Variants in CD69 observed in about 807,000 individuals in gnomAD.
CD69 encodes early activation antigen CD69.
A neutral mutation model predicts 21.4 loss-of-function variants in CD69; 10 were observed. The observed-to-expected ratio is 0.47, with a 90% CI of 0.29 to 0.79. The LOEUF (loss-of-function observed/expected upper bound fraction) is 0.79. CD69 is among the 30% of genes least tolerant of loss of function. CD69 has a pLI of 0.09. For missense variants in CD69, 204 were observed against 236.9 expected (o/e 0.86, Z 0.91); for synonymous variants, 63 against 78.2 (o/e 0.81, Z 1.03).
At position 9,760,602 on chromosome 12, in the gene CD69, A is replaced by G. The variant is rs113967768; in HGVS notation, c.64+155T>C. The stretch of plus-strand genomic sequence containing the variant: ...AGACAAAGCCTCACTTCCTTCCCTA[A>G]CAACCATTAGATATCACATACATAG... On this transcript the variant is annotated intron_variant, in intron 1 of 4. Transcript: ENST00000228434. Among the ~76,000 whole-genome samples the G allele has an allele frequency of 4.1e-3, 623 of 152,266 alleles. 7 individuals carry two copies. Among genetic ancestry groups the G allele is most frequent in the African/African-American group, 0.013 (560 of 41,528 alleles).
intron 1 of CD69, among the ~76,000 whole-genome samples, chr12:9,758,537 C>G (rs1018120077): frequency 2.0e-5 from 3 of 152,130 alleles, no homozygotes; most frequent in Non-Finnish European, 4.4e-5. Flanking sequence ...GTGTCCACAT[C>G]AACTTTTGCT....
rs117940463 is a variant in CD69, at chr12:9,754,258, C to T, written c.491+329G>A. ...CCAGCAACTGTCTTATTAGTAAAGA[C>T]TAAATGTGACATTGAAAATGGGTTT... On this transcript the variant is annotated intron_variant, in intron 4 of 4. Transcript: ENST00000228434. The T allele has an allele frequency of 3.9e-3, 674 of 174,974 alleles. 2 individuals are homozygous for T. The highest frequency in any genetic ancestry group is 6.2e-3 in the Non-Finnish European group (513 of 82,940). The allele number at this position is 174,974 out of a possible 1,614,324, so 10.8% of individuals were successfully genotyped here.
intron 1 of CD69, among the ~76,000 whole-genome samples, chr12:9,760,391 G>A (rs978975440): frequency 6.6e-6 from 1 of 152,082 alleles, no homozygotes; most frequent in African/African-American, 2.4e-5. Flanking sequence ...AGAATAACTG[G>A]GCTAGAGCAG....
In CD69 at chr12:9,754,924, T is replaced by C; in HGVS notation, c.387+138A>G. 3 of 763,832 alleles carry C rather than the reference T, an allele frequency of 3.9e-6. 1 individual carries two copies. The highest frequency in any genetic ancestry group is 3.7e-4 in the Middle Eastern group (1 of 2,712). The allele number at this position is 763,832 out of a possible 1,614,324, so 47.3% of individuals were successfully genotyped here. On this transcript the variant is annotated intron_variant, in intron 3 of 4. Coordinates refer to ENST00000228434, the MANE Select transcript of CD69 (RefSeq NM_001781.2). ...ACCTCAGGCTGATCATATGGTTCTCTGGGATGACATTTTCCTACATCTGAA... is the reference window on the plus strand; with the variant it reads ...ACCTCAGGCTGATCATATGGTTCTCCGGGATGACATTTTCCTACATCTGAA...
At chr12:9,755,624 C>T (rs1470173130) in intron 2 of CD69, among the ~76,000 whole-genome samples, 7 of 151,998 alleles carry the variant, frequency 4.6e-5, no homozygotes, top group South Asian at 2.1e-4. Context: ...AATGCAGAGG[C>T]GGAAGAATTT....
rs950707983 is a variant in CD69, at chr12:9,760,873, A to G, written c.-53T>C. ...CTCAGGTCAAGTCAAGCTACAGTGA[A>G]AGTCTTTGCTGGAGCTCTTGTTGAG... On this transcript the variant is annotated 5_prime_UTR_variant, in exon 1 of 5. Transcript: ENST00000228434. 4.8e-6 allele frequency: 7 copies of G among 1,457,898 alleles called. No individual in the cohort carries two copies. The highest frequency in any genetic ancestry group is 1.4e-5 in the African/African-American group (1 of 72,028). 90.3% of individuals were successfully genotyped at this position (1,457,898 alleles called of 1,614,324 possible). A position where few individuals can be genotyped will look rare whatever the true frequency, so the allele number is the denominator to read the frequency against.
rs774075247 is a variant in CD69, at chr12:9,755,053, T to TA, written c.387+8dup. 31 of 1,610,762 alleles carry TA rather than the reference T, an allele frequency of 1.9e-5. No homozygotes were observed. In the South Asian group the frequency reaches 2.6e-4, roughly 14 times the overall value. On this transcript the variant is annotated intron_variant, in intron 3 of 4. Coordinates refer to ENST00000228434, the MANE Select transcript of CD69 (RefSeq NM_001781.2). ...AAATAGTAGTATTTTATCTTTTTTTTATTCTTACCATGTCCTTTTCAGAAT... is the reference window on the plus strand; with the variant it reads ...AAATAGTAGTATTTTATCTTTTTTTTAATTCTTACCATGTCCTTTTCAGAAT...
Position 9,760,667 on chromosome 12 carries a change from TAG to T in CD69, c.64+88_64+89del, listed in dbSNP as rs542180715. 2.0e-3 allele frequency: 1,755 copies of T among 896,470 alleles called. 12 individuals are homozygous for T. The highest frequency in any genetic ancestry group is 0.011 in the South Asian group (841 of 73,250). The allele number at this position is 896,470 out of a possible 1,614,324, so 55.5% of individuals were successfully genotyped here. Reference sequence around the variant, plus strand: ...TTTCTCTAAGATTATATATCATATATAGAGAGATTACCAGTATATCTTGTATA... The same window carrying T: ...TTTCTCTAAGATTATATATCATATATAGAGATTACCAGTATATCTTGTATA... On this transcript the variant is annotated intron_variant, in intron 1 of 4. Transcript: ENST00000228434.
At position 9,753,576 on chromosome 12, in the gene CD69, C is replaced by T; in HGVS notation, c.505G>A (p.Gly169Arg). The change falls in exon 5 of 5, where the codon GGG becomes AGG. Residue 169 changes from glycine to arginine, a missense_variant. Transcript: ENST00000228434. ...TTCAGAAAAACACACTTGTCAGACC[C>T]TGTAACGTTGAACCTGTCAAACAAT... is the stretch of plus-strand genomic sequence containing the variant. ...KEFNNWFNVT[G>R]SDKCVFLKNT... 6.5e-7 allele frequency: 1 copy of T among 1,538,470 alleles called. No homozygotes were observed. Among genetic ancestry groups the T allele is most frequent in the Non-Finnish European group, 8.9e-7 (1 of 1,118,836 alleles).
At position 9,752,556 on chromosome 12, in the gene CD69, CAA is replaced by C. The variant is rs1480378008; in HGVS notation, c.*923_*924del. ...AATTGTACTGAACACAAAATACAAA[CAA>C]ATACATTTTATTGCACATAAAAATA... On this transcript the variant is annotated 3_prime_UTR_variant, in exon 5 of 5. Transcript: ENST00000228434. The C allele has an allele frequency of 8.5e-5, 13 of 152,458 alleles. No individual in the cohort carries two copies. The highest frequency in any genetic ancestry group is 2.9e-5 in the Non-Finnish European group (2 of 67,984). 9.4% of individuals were successfully genotyped at this position (152,458 alleles called of 1,614,324 possible).
Position 9,756,457 on chromosome 12 carries a change from T to C in CD69, c.65-38A>G, listed in dbSNP as rs754690249. 1.9e-6 allele frequency: 3 copies of C among 1,579,050 alleles called. No individual in the cohort carries two copies. In the African/African-American group the frequency reaches 4.1e-5, roughly 21 times the overall value. Reference sequence around the variant, plus strand: ...AAGTTGATGATGAGTTCAGGCAGACTATAGAAGTACTATAGGAATATGCAA... The same window carrying C: ...AAGTTGATGATGAGTTCAGGCAGACCATAGAAGTACTATAGGAATATGCAA... On this transcript the variant is annotated intron_variant, in intron 1 of 4. Transcript: ENST00000228434.
intron 1 of CD69, 45 bp downstream of exon 1, chr12:9,760,712 A>G (rs1306563678): frequency 7.5e-7 from 1 of 1,329,518 alleles, no homozygotes; most frequent in African/African-American, 1.4e-5. Context: ...TTAATGTCAT[A>G]TATAGAGATA....
At chr12:9,760,616 T>G (rs1478424665) in intron 1 of CD69, 141 bp downstream of exon 1, 20 of 547,826 alleles carry the variant, frequency 3.7e-5, no homozygotes, top group Middle Eastern at 3.3e-4. Flanking sequence ...CCATTAGATA[T>G]CACATACATA....
chr12:9,757,757 T>A (rs1014748479), intron 1 of CD69, among the ~76,000 whole-genome samples: 3 of 152,196 alleles, frequency 2.0e-5, no homozygotes, highest in African/African-American at 7.2e-5. Context: ...TTTGTGTGTG[T>A]AGGAAAGGTA....
chr12:9,757,531 G>C (rs149690843), intron 1 of CD69, among the ~76,000 whole-genome samples: 2 of 152,142 alleles, frequency 1.3e-5, no homozygotes, highest in African/African-American at 4.8e-5. Context: ...AGGAAAATAA[G>C]TGAACAAATT....
intron 1 of CD69, among the ~76,000 whole-genome samples, chr12:9,757,480 T>A (rs1467154668): frequency 6.6e-6 from 1 of 152,210 alleles, no homozygotes; most frequent in Non-Finnish European, 1.5e-5. Context: ...AGCTTTATTC[T>A]TAAGAGCCAA....
At chr12:9,755,328 G>T in intron 2 of CD69, 67 bp from the exon 3 acceptor site, 1 of 1,250,328 alleles carries the variant, frequency 8.0e-7, no homozygotes, top group Non-Finnish European at 1.2e-6. Flanking sequence ...TGCAAAACTA[G>T]CCTTAGGATG....
chr12:9,760,683 A>G (rs1262582926), intron 1 of CD69, 74 bp downstream of exon 1: 13 of 1,015,946 alleles, frequency 1.3e-5, no homozygotes, highest in Non-Finnish European at 2.0e-5. Context: ...GATTACCAGT[A>G]TATCTTGTAT....
At chr12:9,754,741 G>C in intron 3 of CD69, 51 bp from the exon 4 acceptor site, 1 of 1,134,788 alleles carries the variant, frequency 8.8e-7, no homozygotes. Context: ...TTCTGGGGAA[G>C]TAGATAGTAA....
Sources: allele counts gnomAD v4.1 joint callset (sites outside exome capture counted in the v4.1 genomes callset), GRCh38; gene constraint gnomAD v4.1.1; transcripts MANE v1.5; gene names NCBI Gene and HGNC (gene_info 2026-07-23, HGNC 2026-07-21).